ERCC3: variants seen among roughly 807,000 people sequenced by gnomAD.
The protein encoded by ERCC3 is general transcription and DNA repair factor IIH helicase/translocase subunit XPB.
Under a neutral mutation model 94.2 loss-of-function variants are expected in ERCC3, and 66 were observed. The ratio of observed to expected loss-of-function variants is 0.70; its 90% CI spans 0.57 to 0.86. ERCC3 has a LOEUF of 0.86. ERCC3 is among the 40% of genes least tolerant of loss of function. ERCC3 has a pLI of 0.00. For synonymous variants in ERCC3, 349 were observed against 369.1 expected (o/e 0.95, Z 0.63); for missense variants, 829 against 987.1 (o/e 0.84, Z 2.15).
chr2:127,288,901 T>C (rs1005792609), intron 6 of ERCC3, 37 bp from the exon 7 acceptor site: 8 of 1,504,818 alleles, frequency 5.3e-6, no homozygotes, highest in Admixed American at 3.3e-5. Context: ...TAAAATCTTG[T>C]TACTGTGCTC....
At chr2:127,290,982 T>A (rs1416625687) in intron 3 of ERCC3, 1 of 152,860 alleles carries the variant, frequency 6.5e-6, no homozygotes, top group East Asian at 1.9e-4. Flanking sequence ...CTTGGGAGGC[T>A]GAGGCAGGAG....
chr2:127,289,851 C>T (rs1044078234), intron 4 of ERCC3, 27 bp from the exon 5 acceptor site: 1 of 1,613,866 alleles, frequency 6.2e-7, no homozygotes, highest in African/African-American at 1.3e-5. Flanking sequence ...AAGAAGGGGT[C>T]TACTGACCAG....
chr2:127,286,904 A>G lies in ERCC3; in HGVS notation c.1141T>C (p.Trp381Arg), dbSNP rs1167192463. Residue 381 changes from tryptophan (W) to arginine (R), a missense_variant, in exon 8 of 15, where the codon TGG becomes CGG. Trp to Arg is a moderately radical substitution (Grantham distance 101). Coordinates refer to ENST00000285398, the MANE Select transcript of ERCC3 (RefSeq NM_000122.2). ...VEQWKAQFKM[W>R]STIDDSQICR... Reference sequence around the variant, plus strand: ...ATCTGGCTGTCGTCAATGGTGGACCACATCTTGAACTGGGCTTTCCACTGC... The same window carrying G: ...ATCTGGCTGTCGTCAATGGTGGACCGCATCTTGAACTGGGCTTTCCACTGC... 1 of 1,614,242 alleles carries G rather than the reference A, an allele frequency of 6.2e-7. No homozygotes were observed. The highest frequency in any genetic ancestry group is 1.7e-5 in the Admixed American group (1 of 60,028).
chr2:127,292,810 G>C lies in ERCC3; in HGVS notation c.271C>G (p.Pro91Ala), dbSNP rs1438551749. Residue 91 changes from proline to alanine, a missense_variant, in exon 3 of 15, where the codon CCA (proline) becomes GCA (alanine). Physicochemically the swap from Pro to Ala is conservative, Grantham distance 27. Coordinates refer to ENST00000285398, the MANE Select transcript of ERCC3 (RefSeq NM_000122.2). ...DGHIFLEAFSPVYKYAQDFLV... is the reference protein window; with the variant it reads ...DGHIFLEAFSAVYKYAQDFLV... Reference sequence around the variant, plus strand: ...AAGTCTTGGGCATATTTGTAAACTGGAGAGAAGGCTTCCAAGAAGATATGG... The same window carrying C: ...AAGTCTTGGGCATATTTGTAAACTGCAGAGAAGGCTTCCAAGAAGATATGG... 1 of 1,613,686 alleles carries C rather than the reference G, an allele frequency of 6.2e-7. No homozygotes were observed. The highest frequency in any genetic ancestry group is 1.7e-5 in the Admixed American group (1 of 60,020).
rs1685018925 is a variant in ERCC3, at chr2:127,284,878, T to C, written c.1342+1825A>G. On this transcript the variant is annotated intron_variant, in intron 8 of 14. Transcript: ENST00000285398. This position sits in a 1 kb window ranked among gnomAD's most constrained non-coding sequence, Gnocchi z 4.1. ...AAAAAAATTTTTTTTTGTAGAGACA[T>C]GTCTCACTATGTTACCCAGGCTAAT... Among the ~76,000 whole-genome samples the C allele has an allele frequency of 6.6e-6, 1 of 152,034 alleles. No individual in the cohort carries two copies. Among genetic ancestry groups the C allele is most frequent in the African/African-American group, 2.4e-5 (1 of 41,396 alleles).
At chr2:127,286,185 T>C (rs1055931542) in intron 8 of ERCC3, among the ~76,000 whole-genome samples, 1 of 152,104 alleles carries the variant, frequency 6.6e-6, no homozygotes, top group Non-Finnish European at 1.5e-5. Context: ...AAAGAAAATA[T>C]CATTTTCTAA....
At position 127,270,820 on chromosome 2, in the gene ERCC3, G is replaced by A. The variant is rs563845094; in HGVS notation, c.1945+516C>T. 3.9e-5 allele frequency among the ~76,000 whole-genome samples: 6 copies of A among 152,322 alleles called. No individual in the cohort carries two copies. In the South Asian group the frequency reaches 1.2e-3, roughly 32 times the overall value. ...CCTCAGAAAAAGCCTTTGCAATGAG[G>A]ATTCTCACCTCCTCACTCACTGAGC... On this transcript the variant is annotated intron_variant, in intron 12 of 14. Coordinates refer to ENST00000285398, the MANE Select transcript of ERCC3 (RefSeq NM_000122.2).
At chr2:127,293,833 TC>T in intron 1 of ERCC3, 115 bp from the exon 2 acceptor site, 1 of 1,586,738 alleles carries the variant, frequency 6.3e-7, no homozygotes. Context: ...GCCACCTGCA[TC>T]CCGCAGGCGT....
At chr2:127,293,740 G>A in intron 1 of ERCC3, 22 bp from the exon 2 acceptor site, 4 of 1,608,504 alleles carry the variant, frequency 2.5e-6, no homozygotes, top group Non-Finnish European at 3.4e-6. Flanking sequence ...CAACACAGAA[G>A]TAAGCCCAGC....
Position 127,277,168 on chromosome 2 carries a change from G to A in ERCC3, c.1730+2005C>T, listed in dbSNP as rs1684756895. ...GGGAAACCCCATGGTAACAGCTGGT[G>A]GTGTCTCTAGTCCTAGACAGCAAGC... is the stretch of plus-strand genomic sequence containing the variant. On this transcript the variant is annotated intron_variant, in intron 10 of 14. Transcript: ENST00000285398. This position sits in a 1 kb window ranked among gnomAD's most constrained non-coding sequence, Gnocchi z 5.1. Among the ~76,000 whole-genome samples, 1 of 152,098 alleles carries A rather than the reference G, an allele frequency of 6.6e-6. No individual in the cohort carries two copies. The highest frequency in any genetic ancestry group is 1.5e-5 in the Non-Finnish European group (1 of 68,028).
At position 127,274,932 on chromosome 2, in the gene ERCC3, AC is replaced by A. The variant is rs958086615; in HGVS notation, c.1731-1972del. On this transcript the variant is annotated intron_variant, in intron 10 of 14. Transcript: ENST00000285398. This position sits in a 1 kb window ranked among gnomAD's most constrained non-coding sequence, Gnocchi z 4.0. ...CCCCCCACCATCAAGGGACACCAGG[AC>A]CCAGTACACATTGGGTGGCAGTAGC... Among the ~76,000 whole-genome samples, 71 of 152,290 alleles carry A rather than the reference AC, an allele frequency of 4.7e-4. No individual in the cohort carries two copies. The highest frequency in any genetic ancestry group is 1.6e-3 in the African/African-American group (66 of 41,560).
At chr2:127,287,905 C>T (rs1351736817) in intron 7 of ERCC3, among the ~76,000 whole-genome samples, 1 of 152,104 alleles carries the variant, frequency 6.6e-6, no homozygotes, top group African/African-American at 2.4e-5. Flanking sequence ...TTCCATTAAA[C>T]AGAGATCCTT....
rs1275332128 is a variant in ERCC3, at chr2:127,292,812, G to C, written c.269C>G (p.Ser90Cys). 1 of 1,613,654 alleles carries C rather than the reference G, an allele frequency of 6.2e-7. No homozygotes were observed. The highest frequency in any genetic ancestry group is 1.7e-5 in the Admixed American group (1 of 60,026). Residue 90 changes from serine (S) to cysteine (C), a missense_variant, in exon 3 of 15, where the codon TCT (serine) becomes TGT (cysteine). By Grantham distance (112) the Ser-to-Cys change is moderately radical. Coordinates refer to ENST00000285398, the MANE Select transcript of ERCC3 (RefSeq NM_000122.2). Reference sequence around the variant, plus strand: ...GTCTTGGGCATATTTGTAAACTGGAGAGAAGGCTTCCAAGAAGATATGGCC... The same window carrying C: ...GTCTTGGGCATATTTGTAAACTGGACAGAAGGCTTCCAAGAAGATATGGCC... ...PDGHIFLEAF[S>C]PVYKYAQDFL... is the part of the protein sequence containing the mutation.
In ERCC3 at chr2:127,259,988, T is replaced by C. The variant is rs1044911603; in HGVS notation, c.2065-540A>G. The C allele has an allele frequency of 5.7e-6, 1 of 174,268 alleles. No homozygotes were observed. The highest frequency in any genetic ancestry group is 2.4e-5 in the African/African-American group (1 of 41,940). The allele number at this position is 174,268 out of a possible 1,614,324, so 10.8% of individuals were successfully genotyped here. On this transcript the variant is annotated intron_variant, in intron 13 of 14. Coordinates refer to ENST00000285398, the MANE Select transcript of ERCC3 (RefSeq NM_000122.2). This position sits in a 1 kb window ranked among gnomAD's most constrained non-coding sequence, Gnocchi z 4.9. ...ATGGTGGAGACTGGGTTTTCATTTC[T>C]ATGGGGATAACTTACTACAAGGGCT...
At chr2:127,283,080 C>A (rs370520277) in intron 8 of ERCC3, among the ~76,000 whole-genome samples, 5 of 143,546 alleles carry the variant, frequency 3.5e-5, no homozygotes, top group East Asian at 4.1e-4. Context: ...CAATACCCAC[C>A]CTTCCACCTT....
In ERCC3 at chr2:127,277,066, G is replaced by A. The variant is rs991251104; in HGVS notation, c.1730+2107C>T. On this transcript the variant is annotated intron_variant, in intron 10 of 14. Coordinates refer to ENST00000285398, the MANE Select transcript of ERCC3 (RefSeq NM_000122.2). This position sits in a 1 kb window ranked among gnomAD's most constrained non-coding sequence, Gnocchi z 5.1. ...ACTGGAACATGTGCTCCATCAAAAT[G>A]AGTAACCAAGAGGGTGGAGATTTCA... Among the ~76,000 whole-genome samples the A allele has an allele frequency of 3.3e-5, 5 of 152,186 alleles. No homozygotes were observed. Among genetic ancestry groups the A allele is most frequent in the Admixed American group, 3.3e-4 (5 of 15,278 alleles).
rs755269126 is a variant in ERCC3, at chr2:127,293,973, G to C, written c.28+81C>G. Reference sequence around the variant, plus strand: ...GCCAGCAGGGTCGGCCGGCGCAGAGGCCCGGAGCAGCTCCGAGGCAGAGCG... The same window carrying C: ...GCCAGCAGGGTCGGCCGGCGCAGAGCCCCGGAGCAGCTCCGAGGCAGAGCG... On this transcript the variant is annotated intron_variant, in intron 1 of 14. Transcript: ENST00000285398. 4 of 1,565,766 alleles carry C rather than the reference G, an allele frequency of 2.6e-6. No homozygotes were observed. In the African/African-American group the frequency reaches 4.1e-5, roughly 16 times the overall value.
At chr2:127,269,323 T>C (rs1310906017) in intron 12 of ERCC3, among the ~76,000 whole-genome samples, 1 of 152,146 alleles carries the variant, frequency 6.6e-6, no homozygotes, top group African/African-American at 2.4e-5. Flanking sequence ...TTGAATGTAA[T>C]TGTTTCTCAA....
At chr2:127,261,649 T>C (rs1478411219) in intron 12 of ERCC3, 1 of 388,754 alleles carries the variant, frequency 2.6e-6, no homozygotes, top group African/African-American at 2.1e-5. Flanking sequence ...AAATTAATTA[T>C]AAATGAGAGA....
Sources: allele counts gnomAD v4.1 joint callset (sites outside exome capture counted in the v4.1 genomes callset), GRCh38; gene constraint gnomAD v4.1.1; non-coding constraint Gnocchi (gnomAD v3.1); transcripts MANE v1.5; gene names NCBI Gene and HGNC (gene_info 2026-07-23, HGNC 2026-07-21).